ITFG1: variants seen among roughly 807,000 people sequenced by gnomAD.
The protein encoded by ITFG1 is T-cell immunomodulatory protein.
A neutral mutation model predicts 81.8 loss-of-function variants in ITFG1; 34 were observed. The ratio of observed to expected loss-of-function variants is 0.42; its 90% CI spans 0.32 to 0.55. The LOEUF (loss-of-function observed/expected upper bound fraction) is 0.55, where lower values mean the gene tolerates loss of function less well. ITFG1 is among the 20% of genes least tolerant of loss of function. The probability of loss-of-function intolerance (pLI) is 0.17; values close to 1 mark genes in which losing one functional copy is unlikely to be tolerated. For synonymous variants in ITFG1, 285 were observed against 270.6 expected (o/e 1.05, Z -0.52); for missense variants, 672 against 755.4 (o/e 0.89, Z 1.29).
intron 6 of ITFG1, among the ~76,000 whole-genome samples, chr16:47,384,706 C>T (rs886549241): frequency 3.9e-5 from 6 of 152,162 alleles, no homozygotes; most frequent in African/African-American, 1.4e-4. Context: ...TTTTTTTCCA[C>T]GTCATATCCA....
intron 8 of ITFG1, among the ~76,000 whole-genome samples, chr16:47,351,397 A>G (rs1967952884): frequency 6.6e-6 from 1 of 152,222 alleles, no homozygotes; most frequent in Non-Finnish European, 1.5e-5. Context: ...AAAAATCACA[A>G]GCATTCTTAT....
At chr16:47,408,278 A>C (rs1314957580) in intron 6 of ITFG1, among the ~76,000 whole-genome samples, 1 of 152,178 alleles carries the variant, frequency 6.6e-6, no homozygotes, top group Non-Finnish European at 1.5e-5. Flanking sequence ...ATATTAAAGA[A>C]ATTTTCAGGT....
intron 10 of ITFG1, among the ~76,000 whole-genome samples, chr16:47,274,522 T>TA (rs1305620465): frequency 3.9e-5 from 6 of 152,010 alleles, no homozygotes; most frequent in South Asian, 4.2e-4. Flanking sequence ...GCCCTTCTAG[T>TA]AAAAAAAACT....
chr16:47,319,285 C>T (rs1967412417), intron 8 of ITFG1, among the ~76,000 whole-genome samples: 1 of 152,132 alleles, frequency 6.6e-6, no homozygotes, highest in Non-Finnish European at 1.5e-5. Flanking sequence ...TTCCAAAATT[C>T]AAATTTTTGC....
intron 14 of ITFG1, among the ~76,000 whole-genome samples, chr16:47,214,204 T>A (rs575665369): frequency 1.3e-5 from 2 of 152,184 alleles, no homozygotes; most frequent in Non-Finnish European, 2.9e-5. Context: ...GTAGAAGACA[T>A]ATTTTTTCCC....
Position 47,409,404 on chromosome 16 carries a change from A to ATTT in ITFG1, c.655+19397_655+19399dup, listed in dbSNP as rs1187071917. The stretch of plus-strand genomic sequence containing the variant: ...TATATATATATATATATATATATAT[A>ATTT]TTTTTTTTTTTTTTTTTTTTTTTTT... On this transcript the variant is annotated intron_variant, in intron 6 of 17. Transcript: ENST00000320640. 8.0e-3 allele frequency among the ~76,000 whole-genome samples: 49 copies of ATTT among 6,100 alleles called. 14 individuals are homozygous for ATTT. The highest frequency in any genetic ancestry group is 0.012 in the East Asian group (1 of 86). The allele number at this position is 6,100 out of a possible 152,430, so 4.0% of individuals were successfully genotyped here. A position where few individuals can be genotyped will look rare whatever the true frequency, so the allele number is the denominator to read the frequency against.
chr16:47,392,473 A>G (rs1423700995), intron 6 of ITFG1, among the ~76,000 whole-genome samples: 1 of 152,142 alleles, frequency 6.6e-6, no homozygotes, highest in Non-Finnish European at 1.5e-5. Context: ...CAGGTCTGAA[A>G]TGTGAGGCAT....
chr16:47,195,721 T>C (rs1208301207), intron 14 of ITFG1, among the ~76,000 whole-genome samples: 1 of 152,122 alleles, frequency 6.6e-6, no homozygotes, highest in Admixed American at 6.5e-5. Flanking sequence ...CCTCACTTTC[T>C]TTTTGTTGTT....
At chr16:47,353,613 T>C (rs1012385070) in intron 8 of ITFG1, among the ~76,000 whole-genome samples, 6 of 152,136 alleles carry the variant, frequency 3.9e-5, no homozygotes, top group Non-Finnish European at 7.4e-5. Context: ...AAACTGTTCT[T>C]GTTTGCAGAT....
intron 8 of ITFG1, among the ~76,000 whole-genome samples, chr16:47,359,251 C>T (rs866332534): frequency 6.6e-6 from 1 of 152,012 alleles, no homozygotes; most frequent in Non-Finnish European, 1.5e-5. Flanking sequence ...TGCTAATATC[C>T]AACTCTGTGT....
chr16:47,337,179 T>A (rs1013187218), intron 8 of ITFG1, among the ~76,000 whole-genome samples: 15 of 150,558 alleles, frequency 1.0e-4, no homozygotes, highest in East Asian at 2.0e-4. Context: ...AGAAAGAAAT[T>A]AGGACAGCTG....
At chr16:47,208,065 A>G (rs1596808797) in intron 14 of ITFG1, among the ~76,000 whole-genome samples, 1 of 152,336 alleles carries the variant, frequency 6.6e-6, no homozygotes. Flanking sequence ...AGGAGACTGG[A>G]AAAGCCAAGA....
At chr16:47,342,484 T>C (rs1272851458) in intron 8 of ITFG1, among the ~76,000 whole-genome samples, 2 of 152,072 alleles carry the variant, frequency 1.3e-5, no homozygotes, top group African/African-American at 2.4e-5. Flanking sequence ...TTCAACATAC[T>C]GGAAATTCTA....
At chr16:47,418,620 C>G (rs536274614) in intron 6 of ITFG1, among the ~76,000 whole-genome samples, 2 of 152,064 alleles carry the variant, frequency 1.3e-5, no homozygotes, top group East Asian at 3.9e-4. Flanking sequence ...TTTCCCAGCA[C>G]TATTTATTAA....
At chr16:47,399,578 A>G (rs539981157) in intron 6 of ITFG1, among the ~76,000 whole-genome samples, 1 of 152,304 alleles carries the variant, frequency 6.6e-6, no homozygotes, top group South Asian at 2.1e-4. Flanking sequence ...GTCTCAAAAA[A>G]AAAAAAAAAG....
chr16:47,216,855 G>C (rs1441419567), intron 14 of ITFG1, among the ~76,000 whole-genome samples: 1 of 150,722 alleles, frequency 6.6e-6, no homozygotes, highest in East Asian at 2.0e-4. Flanking sequence ...ATGGGGCTTT[G>C]TCATGTTGGC....
chr16:47,282,755 T>A (rs548471664), intron 10 of ITFG1, among the ~76,000 whole-genome samples: 33 of 152,258 alleles, frequency 2.2e-4, no homozygotes, highest in African/African-American at 7.7e-4. Flanking sequence ...CGCCAACATG[T>A]TGTTTTTTGA....
At chr16:47,375,430 G>C (rs1224090279) in intron 7 of ITFG1, among the ~76,000 whole-genome samples, 1 of 151,516 alleles carries the variant, frequency 6.6e-6, no homozygotes, top group Non-Finnish European at 1.5e-5. Flanking sequence ...AAACCCTATT[G>C]GGAAAGATTT....
At position 47,260,711 on chromosome 16, in the gene ITFG1, A is replaced by T; in HGVS notation, c.1071-16T>A. Reference sequence around the variant, plus strand: ...CTGCTGGTTGCTGTGCGCCAAAGGAAAGGCATTTCGTTAATATAAACATCA... The same window carrying T: ...CTGCTGGTTGCTGTGCGCCAAAGGATAGGCATTTCGTTAATATAAACATCA... On this transcript the variant is annotated splice_polypyrimidine_tract_variant and intron_variant, in intron 10 of 17. Coordinates refer to ENST00000320640, the MANE Select transcript of ITFG1 (RefSeq NM_030790.5). 1 of 1,613,990 alleles carries T rather than the reference A, an allele frequency of 6.2e-7. No homozygotes were observed. The highest frequency in any genetic ancestry group is 8.5e-7 in the Non-Finnish European group (1 of 1,179,836).
Sources: gnomAD v4.1 joint callset for allele counts (sites outside exome capture counted in the v4.1 genomes callset) on GRCh38, gnomAD v4.1.1 for gene constraint, MANE v1.5 for transcripts, NCBI Gene and HGNC (gene_info 2026-07-23, HGNC 2026-07-21) for gene names.